The following TRAF1 variants were observed in gnomAD, a reference collection of about 807,000 sequenced individuals.
TRAF1 encodes TNF receptor associated factor 1.
In TRAF1, 23 loss-of-function variants were observed where a neutral mutation model predicts 40.9. The ratio of observed to expected loss-of-function variants is 0.56; its 90% CI spans 0.40 to 0.80. The LOEUF (loss-of-function observed/expected upper bound fraction) is 0.80. Ranked by LOEUF, TRAF1 falls within the 30% of genes least tolerant of loss-of-function variation. The pLI, the probability that TRAF1 is intolerant of heterozygous loss-of-function variation, is 0.00. For synonymous variants in TRAF1, 206 were observed against 218.8 expected, an observed-to-expected ratio of 0.94 and a Z score of 0.52; for missense variants, 477 against 528.7, an observed-to-expected ratio of 0.90 and a Z score of 0.96.
intron 7 of TRAF1, among the ~76,000 whole-genome samples, chr9:120,906,859 C>CCTTTGT (rs2046486801): frequency 6.6e-6 from 1 of 152,120 alleles, no homozygotes; most frequent in South Asian, 2.1e-4. Flanking sequence ...GTCTCCATAG[C>CCTTTGT]TTTTGTTTTT....
chr9:120,926,242 A>G lies in TRAF1; in HGVS notation c.-167T>C, dbSNP rs2046640128. The G allele has an allele frequency of 4.4e-6, 3 of 688,948 alleles. No individual in the cohort carries two copies. Among genetic ancestry groups the G allele is most frequent in the South Asian group, 2.6e-5 (1 of 38,182 alleles). The allele number at this position is 688,948 out of a possible 1,614,324, so 42.7% of individuals were successfully genotyped here. Reference sequence around the variant, plus strand: ...TTCAACGTCACAGCTGAGTCACAGCAGGGATGGAGCAGGAATTACCCTTTG... The same window carrying G: ...TTCAACGTCACAGCTGAGTCACAGCGGGGATGGAGCAGGAATTACCCTTTG... On this transcript the variant is annotated 5_prime_UTR_variant, in exon 2 of 8. Coordinates refer to ENST00000373887, the MANE Select transcript of TRAF1 (RefSeq NM_005658.5).
chr9:120,913,338 A>G lies in TRAF1; in HGVS notation c.695T>C (p.Leu232Ser), dbSNP rs2046542771. 6.2e-7 allele frequency: 1 copy of G among 1,606,622 alleles called. No homozygotes were observed. The highest frequency in any genetic ancestry group is 1.3e-5 in the African/African-American group (1 of 74,788). The part of the protein sequence containing the change: ...SQLDRERILS[L>S]EQRVVELQQT... ...GCCTCCCACACTCACCCTCTGCTCC[A>G]AGCTCAGGATGCGCTCACGGTCCAG... The change falls in exon 5 of 8, where the codon TTG (leucine) becomes TCG (serine). Residue 232 changes from leucine to serine, a missense_variant. Physicochemically the swap from Leu to Ser is moderately radical, Grantham distance 145. Transcript: ENST00000373887.
chr9:120,917,905 C>T (rs1027791369), intron 3 of TRAF1, among the ~76,000 whole-genome samples: 1 of 152,124 alleles, frequency 6.6e-6, no homozygotes, highest in Non-Finnish European at 1.5e-5. Flanking sequence ...TGTTGAAGTC[C>T]TAACCACCAG....
Position 120,903,965 on chromosome 9 carries a change from G to C in TRAF1, c.*1055C>G, listed in dbSNP as rs1458758429. 1 of 152,216 alleles carries C rather than the reference G, an allele frequency of 6.6e-6. No individual in the cohort carries two copies. Among genetic ancestry groups the C allele is most frequent in the Non-Finnish European group, 1.5e-5 (1 of 68,054 alleles). 9.4% of individuals were successfully genotyped at this position (152,216 alleles called of 1,614,324 possible). ...AAACCATACACTTTAGGAAAACTTCGAAAGAGATTCTAAAAATTATTTCTT... is the reference window on the plus strand; with the variant it reads ...AAACCATACACTTTAGGAAAACTTCCAAAGAGATTCTAAAAATTATTTCTT... On this transcript the variant is annotated 3_prime_UTR_variant, in exon 8 of 8. Coordinates refer to ENST00000373887, the MANE Select transcript of TRAF1 (RefSeq NM_005658.5).
chr9:120,911,605 G>A, intron 5 of TRAF1, 92 bp from the exon 6 acceptor site: 5 of 1,462,122 alleles, frequency 3.4e-6, no homozygotes, highest in Non-Finnish European at 4.6e-6. Context: ...TGCCCCAGAT[G>A]TGTTTTGCTG....
intron 6 of TRAF1, 135 bp from the exon 7 acceptor site, chr9:120,909,513 C>T (rs773602200): frequency 1.3e-5 from 13 of 1,037,988 alleles, no homozygotes; most frequent in Admixed American, 2.4e-5. Flanking sequence ...GCATTCTTCT[C>T]GAGTAGGGTG....
chr9:120,907,816 C>T (rs1273669280), intron 7 of TRAF1, among the ~76,000 whole-genome samples: 3 of 152,164 alleles, frequency 2.0e-5, no homozygotes, highest in Non-Finnish European at 2.9e-5. Context: ...CAGCCACTGG[C>T]CATTCATTCC....
chr9:120,922,758 G>C (rs2046613329), intron 3 of TRAF1, among the ~76,000 whole-genome samples: 2 of 152,166 alleles, frequency 1.3e-5, no homozygotes, highest in Admixed American at 1.3e-4. Context: ...TTATGTAAAG[G>C]GGTGGATAGT....
chr9:120,909,067 G>T (rs1194118315), intron 7 of TRAF1, among the ~76,000 whole-genome samples, 163 bp downstream of exon 7: 1 of 152,124 alleles, frequency 6.6e-6, no homozygotes, highest in African/African-American at 2.4e-5. Flanking sequence ...GGAGCTGGAG[G>T]GAGCCCTAGT....
chr9:120,916,404 G>C (rs1325877799), intron 3 of TRAF1, among the ~76,000 whole-genome samples: 1 of 151,980 alleles, frequency 6.6e-6, no homozygotes, highest in African/African-American at 2.4e-5. Flanking sequence ...TCATCAAACT[G>C]TACACTTAAA....
At chr9:120,925,530 A>G (rs2046633397) in intron 2 of TRAF1, among the ~76,000 whole-genome samples, 1 of 152,272 alleles carries the variant, frequency 6.6e-6, no homozygotes, top group Non-Finnish European at 1.5e-5. Context: ...GTCATTCACC[A>G]AGAGGTTTAT....
chr9:120,916,332 C>T (rs2046569175), intron 3 of TRAF1, among the ~76,000 whole-genome samples: 1 of 152,158 alleles, frequency 6.6e-6, no homozygotes, highest in Non-Finnish European at 1.5e-5. Flanking sequence ...CACAAAGCAG[C>T]TTTATCCCGT....
intron 6 of TRAF1, among the ~76,000 whole-genome samples, chr9:120,910,215 G>A (rs2046515842): frequency 1.3e-5 from 2 of 152,182 alleles, no homozygotes; most frequent in African/African-American, 4.8e-5. Flanking sequence ...CGTTTTGGTA[G>A]AACAGGAAGC....
intron 5 of TRAF1, 121 bp downstream of exon 5, chr9:120,913,207 T>C (rs932807790): frequency 3.2e-6 from 4 of 1,234,212 alleles, no homozygotes; most frequent in South Asian, 3.2e-5. Flanking sequence ...AAAGGGGAGA[T>C]ACGTTTTGAT....
chr9:120,908,888 AG>A (rs2046503710), intron 7 of TRAF1, among the ~76,000 whole-genome samples: 2 of 152,120 alleles, frequency 1.3e-5, no homozygotes, highest in Middle Eastern at 3.4e-3. Context: ...GCAGAGATGA[AG>A]TCTTGCCATG....
At chr9:120,914,127 G>T in intron 4 of TRAF1, 108 bp downstream of exon 4, 2 of 943,762 alleles carry the variant, frequency 2.1e-6, no homozygotes, top group Non-Finnish European at 3.0e-6. Flanking sequence ...AGGACATCCA[G>T]ATGAGTGGAC....
intron 3 of TRAF1, among the ~76,000 whole-genome samples, chr9:120,914,768 C>G (rs2046557919): frequency 6.6e-6 from 1 of 152,186 alleles, no homozygotes; most frequent in Admixed American, 6.5e-5. Flanking sequence ...CCTTGGCCAT[C>G]TATCCTTGAC....
intron 3 of TRAF1, among the ~76,000 whole-genome samples, chr9:120,921,917 C>T (rs12376966): frequency 0.059 from 8,940 of 152,230 alleles, 770 homozygotes; most frequent in African/African-American, 0.19. Context: ...ACTGCTATCA[C>T]GGTCTGGACA....
At position 120,926,018 on chromosome 9, in the gene TRAF1, AG is replaced by A; in HGVS notation, c.57del (p.Phe20LeufsTer46). ...PRPAPDENEF[P>X]FGCPPTVCQD... ...TGGCAGACGGTGGGAGGGCACCCAA[AG>A]GGAAACTCATTCTCATCAGGGGCCG... is the stretch of plus-strand genomic sequence containing the variant. On this transcript the variant is annotated frameshift_variant, in exon 2 of 8. Transcript: ENST00000373887. LOFTEE classifies it high-confidence loss of function. 1 of 1,612,740 alleles carries A rather than the reference AG, an allele frequency of 6.2e-7. No individual in the cohort carries two copies. The highest frequency in any genetic ancestry group is 8.5e-7 in the Non-Finnish European group (1 of 1,179,392).
Sources: allele counts gnomAD v4.1 joint callset (sites outside exome capture counted in the v4.1 genomes callset), GRCh38; gene constraint gnomAD v4.1.1; transcripts MANE v1.5; gene names NCBI Gene and HGNC (gene_info 2026-07-23, HGNC 2026-07-21).